Variants in RELCH observed in about 807,000 individuals in gnomAD.
RELCH encodes RAB11 binding and LisH domain, coiled-coil and HEAT repeat containing.
In RELCH, 41 loss-of-function variants were observed where a neutral mutation model predicts 150.3. That is an observed-to-expected ratio of 0.27 (90% CI 0.21 to 0.35). The LOEUF is 0.35. Ranked by LOEUF, RELCH falls within the 10% of genes least tolerant of loss-of-function variation. The pLI is 1.00. For missense variants in RELCH, 1,092 were observed against 1,467.8 expected (o/e 0.74, Z 4.18); for synonymous variants, 478 against 531.8 (o/e 0.90, Z 1.39).
At chr18:62,284,955 A>G (rs1386407474) in intron 25 of RELCH, among the ~76,000 whole-genome samples, 2 of 151,894 alleles carry the variant, frequency 1.3e-5, no homozygotes, top group Non-Finnish European at 2.9e-5. Context: ...TACATTGGAG[A>G]TTTTCTGAAG....
intron 11 of RELCH, among the ~76,000 whole-genome samples, chr18:62,250,267 G>A (rs2042631345): frequency 6.6e-6 from 1 of 152,114 alleles, no homozygotes; most frequent in South Asian, 2.1e-4. Context: ...ATTAAAGTTT[G>A]TAGTCTTTAG....
chr18:62,291,145 T>A (rs921410802), intron 26 of RELCH, among the ~76,000 whole-genome samples: 10 of 152,224 alleles, frequency 6.6e-5, no homozygotes, highest in African/African-American at 2.2e-4. Context: ...ACAGCAATGT[T>A]TTAAGCAATT....
In RELCH at chr18:62,296,980, A is replaced by C. The variant is rs79569562; in HGVS notation, c.3460-1810A>C. ...TGCTAAATCTAAGTCCTTAGGACAG[A>C]ACTTAGAAGAAGCAAGCCTGTTTCA... On this transcript the variant is annotated intron_variant, in intron 27 of 28. Transcript: ENST00000644646. Among the ~76,000 whole-genome samples the C allele has an allele frequency of 7.9e-3, 1,209 of 152,342 alleles. 19 individuals carry two copies. The highest frequency in any genetic ancestry group is 0.028 in the African/African-American group (1,156 of 41,572).
intron 1 of RELCH, among the ~76,000 whole-genome samples, chr18:62,202,280 G>A (rs1191388202): frequency 6.6e-6 from 1 of 152,168 alleles, no homozygotes; most frequent in Non-Finnish European, 1.5e-5. Context: ...AAAGGCATTT[G>A]CTTCTCCTGG....
chr18:62,187,354 C>G lies in RELCH; in HGVS notation c.-152C>G. On this transcript the variant is annotated 5_prime_UTR_variant, in exon 1 of 29. Coordinates refer to ENST00000644646, the MANE Select transcript of RELCH (RefSeq NM_001346231.2). Reference sequence around the variant, plus strand: ...GGTGCAGCTGCATCCGGATCTCCTGCCTTGGAGCGTACTCCTTGTCTCTAA... The same window carrying G: ...GGTGCAGCTGCATCCGGATCTCCTGGCTTGGAGCGTACTCCTTGTCTCTAA... The G allele has an allele frequency of 1.5e-6, 1 of 646,000 alleles. No individual in the cohort carries two copies. The highest frequency in any genetic ancestry group is 2.5e-6 in the Non-Finnish European group (1 of 405,296). 40.0% of individuals were successfully genotyped at this position (646,000 alleles called of 1,614,324 possible).
At chr18:62,279,974 T>C in intron 23 of RELCH, 118 bp downstream of exon 23, 1 of 664,676 alleles carries the variant, frequency 1.5e-6, no homozygotes, top group South Asian at 1.9e-5. Flanking sequence ...TACTGGATTA[T>C]GCTTATTTGA....
At chr18:62,210,785 G>A (rs2040107260) in intron 1 of RELCH, among the ~76,000 whole-genome samples, 1 of 152,196 alleles carries the variant, frequency 6.6e-6, no homozygotes, top group African/African-American at 2.4e-5. Flanking sequence ...GATGGATAAT[G>A]TGTGTGTTAG....
chr18:62,219,144 C>T (rs1014206384), intron 2 of RELCH, among the ~76,000 whole-genome samples: 1 of 151,658 alleles, frequency 6.6e-6, no homozygotes, highest in African/African-American at 2.4e-5. Context: ...ATTCTAATGA[C>T]ATTTGGCAAT....
chr18:62,192,166 A>G (rs1176150822), intron 1 of RELCH, among the ~76,000 whole-genome samples: 1 of 152,160 alleles, frequency 6.6e-6, no homozygotes, highest in Non-Finnish European at 1.5e-5. Context: ...GCCTTTTTTC[A>G]TATGCTTGTT....
intron 20 of RELCH, 38 bp downstream of exon 20, chr18:62,268,986 C>A: frequency 8.9e-7 from 1 of 1,123,388 alleles, no homozygotes; most frequent in Non-Finnish European, 1.3e-6. Flanking sequence ...AAAAGGCTTT[C>A]CATTTAGAAA....
rs918046290 is a variant in RELCH, at chr18:62,187,821, T to A, written c.316T>A (p.Tyr106Asn). The A allele has an allele frequency of 6.3e-7, 1 of 1,593,816 alleles. No individual in the cohort carries two copies. The highest frequency in any genetic ancestry group is 8.5e-7 in the Non-Finnish European group (1 of 1,170,202). The change falls in exon 1 of 29, where the codon TAC (tyrosine) becomes AAC (asparagine). Residue 106 changes from tyrosine to asparagine, a missense_variant. Transcript: ENST00000644646. ...CGCTGCTCAGCTGTTGCGCGATCAATACTTGCTGACCGCCCTGGAGCTGCA... is the reference window on the plus strand; with the variant it reads ...CGCTGCTCAGCTGTTGCGCGATCAAAACTTGCTGACCGCCCTGGAGCTGCA... ...AIAAQLLRDQ[Y>N]LLTALELHTE... is the part of the protein sequence containing the mutation.
At chr18:62,277,462 G>T (rs971721501) in intron 22 of RELCH, 28 of 425,312 alleles carry the variant, frequency 6.6e-5, no homozygotes, top group Non-Finnish European at 8.5e-5. Context: ...TGTGTTAAAA[G>T]AATAATGGGT....
At chr18:62,260,113 A>G (rs2043180071) in intron 15 of RELCH, among the ~76,000 whole-genome samples, 1 of 149,906 alleles carries the variant, frequency 6.7e-6, no homozygotes, top group Non-Finnish European at 1.5e-5. Context: ...AGCCTACAGA[A>G]TGGGAGAAAA....
intron 26 of RELCH, among the ~76,000 whole-genome samples, chr18:62,287,900 A>G (rs1293338264): frequency 1.3e-5 from 2 of 152,146 alleles, no homozygotes; most frequent in Admixed American, 6.5e-5. Flanking sequence ...GAGAGATATC[A>G]CACATTGGAC....
In RELCH at chr18:62,287,571, A is replaced by G. The variant is rs2044877654; in HGVS notation, c.3370+104A>G. On this transcript the variant is annotated intron_variant, in intron 26 of 28. Coordinates refer to ENST00000644646, the MANE Select transcript of RELCH (RefSeq NM_001346231.2). ...GTAGAACTTCTTTTCTTCAACTTAC[A>G]TTAAGCGTTGTAGAAAATTGAAGAT... 8 of 709,264 alleles carry G rather than the reference A, an allele frequency of 1.1e-5. No individual in the cohort carries two copies. In the South Asian group the frequency reaches 1.1e-4, roughly 10 times the overall value. The allele number at this position is 709,264 out of a possible 1,614,324, so 43.9% of individuals were successfully genotyped here.
chr18:62,259,362 A>T (rs557405850), intron 15 of RELCH, among the ~76,000 whole-genome samples: 172 of 152,052 alleles, frequency 1.1e-3, no homozygotes, highest in African/African-American at 3.8e-3. Flanking sequence ...GCTAAAAAAA[A>T]AATCAAGAAA....
chr18:62,229,940 T>C (rs955839925), intron 8 of RELCH, among the ~76,000 whole-genome samples: 4 of 151,908 alleles, frequency 2.6e-5, no homozygotes, highest in South Asian at 4.2e-4. Flanking sequence ...ATTTTAGAGG[T>C]TGGGACATGA....
intron 1 of RELCH, among the ~76,000 whole-genome samples, chr18:62,200,964 C>CTTTTTTTTTT (rs543882947): frequency 9.1e-5 from 5 of 54,988 alleles, no homozygotes; most frequent in Admixed American, 3.1e-4. Flanking sequence ...TTTTTCTTTG[C>CTTTTTTTTTT]TTTTTTTTTT....
intron 17 of RELCH, 124 bp from the exon 18 acceptor site, chr18:62,264,605 C>A (rs2043450941): frequency 2.8e-6 from 2 of 707,358 alleles, no homozygotes; most frequent in Non-Finnish European, 4.7e-6. Flanking sequence ...GGGTCCCAGA[C>A]AATGCCTTTC....
Sources: allele counts gnomAD v4.1 joint callset (sites outside exome capture counted in the v4.1 genomes callset), GRCh38; gene constraint gnomAD v4.1.1; transcripts MANE v1.5; gene names NCBI Gene and HGNC (gene_info 2026-07-23, HGNC 2026-07-21).